DCHS1: variants seen among roughly 807,000 people sequenced by gnomAD.
The protein encoded by DCHS1 is protocadherin-16.
DCHS1 carries 78 observed loss-of-function variants against 213.9 expected under a neutral mutation model. The ratio of observed to expected loss-of-function variants is 0.36; its 90% CI spans 0.30 to 0.44. The LOEUF (loss-of-function observed/expected upper bound fraction) is 0.44. DCHS1 is among the 20% of genes least tolerant of loss of function. The probability of loss-of-function intolerance (pLI) is 1.00; values close to 1 mark genes in which losing one functional copy is unlikely to be tolerated. For synonymous variants in DCHS1, 1,828 were observed against 1,873.7 expected, an observed-to-expected ratio of 0.98 and a Z score of 0.63; for missense variants, 3,946 against 4,395.9, an observed-to-expected ratio of 0.90 and a Z score of 2.89.
In DCHS1 at chr11:6,632,147, G is replaced by A; in HGVS notation, c.3365C>T (p.Thr1122Ile). Residue 1122 changes from threonine (T) to isoleucine (I), a missense_variant, in exon 6 of 21, where the codon ACC (threonine) becomes ATC (isoleucine). By Grantham distance (89) the Thr-to-Ile change is moderately conservative. Transcript: ENST00000299441. The surrounding 1 kb of genome is among the most constrained non-coding windows in gnomAD (Gnocchi z 5.9). ...LAVAENQPPG[T>I]SVGRVFATDR... ...AGTGGCAAAGACTCGGCCCACGCTG[G>A]TCCCTGGGGGCTGGTTCTCAGCCAC... 1 of 1,589,870 alleles carries A rather than the reference G, an allele frequency of 6.3e-7. No homozygotes were observed. Among genetic ancestry groups the A allele is most frequent in the Non-Finnish European group, 8.6e-7 (1 of 1,164,624 alleles).
In DCHS1 at chr11:6,655,707, A is replaced by G; in HGVS notation, c.-265T>C. 1.0e-6 allele frequency: 1 copy of G among 977,284 alleles called. No homozygotes were observed. Among genetic ancestry groups the G allele is most frequent in the Non-Finnish European group, 1.2e-6 (1 of 827,352 alleles). 60.5% of individuals were successfully genotyped at this position (977,284 alleles called of 1,614,324 possible). ...CCGAGGCCCGCGATCCCCTCCGGGC[A>G]GCCGCCGTCGGTCCGCGCGCCCTTG... On this transcript the variant is annotated 5_prime_UTR_variant, in exon 1 of 21. Coordinates refer to ENST00000299441, the MANE Select transcript of DCHS1 (RefSeq NM_003737.4).
rs764403994 is a variant in DCHS1, at chr11:6,631,388, G to A, written c.3695C>T (p.Pro1232Leu). ...LPIQVPDRVP[P>L]GTLVTTLQAK... is the part of the protein sequence containing the mutation. Reference sequence around the variant, plus strand: ...CTGCAGAGTCGTCACCAGTGTTCCCGGAGGCACGCGGTCTGGTACCTGTGG... The same window carrying A: ...CTGCAGAGTCGTCACCAGTGTTCCCAGAGGCACGCGGTCTGGTACCTGTGG... The change falls in exon 8 of 21, where the codon CCG becomes CTG. Residue 1232 changes from proline (P) to leucine (L), a missense_variant. Physicochemically the swap from Pro to Leu is moderately conservative, Grantham distance 98. Transcript: ENST00000299441. 3.5e-5 allele frequency: 56 copies of A among 1,613,816 alleles called. No homozygotes were observed. In the East Asian group the frequency reaches 1.1e-3, roughly 31 times the overall value.
At chr11:6,635,904 C>T (rs1451031079) in intron 2 of DCHS1, among the ~76,000 whole-genome samples, 1 of 152,200 alleles carries the variant, frequency 6.6e-6, no homozygotes, top group African/African-American at 2.4e-5. Flanking sequence ...CCTGTACAAC[C>T]CCTGCTCAGA....
intron 1 of DCHS1, among the ~76,000 whole-genome samples, chr11:6,655,266 C>G (rs925222374): frequency 6.6e-6 from 1 of 152,128 alleles, no homozygotes; most frequent in Non-Finnish European, 1.5e-5. Context: ...CCCAGTGACA[C>G]GCACTGACAC....
At position 6,631,320 on chromosome 11, in the gene DCHS1, T is replaced by C; in HGVS notation, c.3763A>G (p.Thr1255Ala). The C allele has an allele frequency of 1.9e-6, 3 of 1,613,958 alleles. No individual in the cohort carries two copies. Among genetic ancestry groups the C allele is most frequent in the Non-Finnish European group, 2.5e-6 (3 of 1,179,866 alleles). The change falls in exon 8 of 21, where the codon ACG becomes GCG. Residue 1255 changes from threonine to alanine, a missense_variant. Coordinates refer to ENST00000299441, the MANE Select transcript of DCHS1 (RefSeq NM_003737.4). ...DEGENGTILY[T>A]LTGPGSELFS... is the part of the protein sequence containing the mutation. ...CTCTCCACTCCCATACCAGTTAGCG[T>C]GTACAAGATGGTCCCATTCTCCCCC...
chr11:6,630,876 G>A lies in DCHS1; in HGVS notation c.3931-13C>T, dbSNP rs1181233801. On this transcript the variant is annotated splice_polypyrimidine_tract_variant and intron_variant, in intron 9 of 20. Transcript: ENST00000299441. ...CTGAGGGAAGCACCTGTTGTGGACC[G>A]GGGAGGGAGAACAGAATTGTGAGGG... The A allele has an allele frequency of 2.0e-6, 3 of 1,508,206 alleles. No individual in the cohort carries two copies. The highest frequency in any genetic ancestry group is 2.7e-6 in the Non-Finnish European group (3 of 1,125,858). 93.4% of individuals were successfully genotyped at this position (1,508,206 alleles called of 1,614,324 possible). A position where few individuals can be genotyped will look rare whatever the true frequency, so the allele number is the denominator to read the frequency against.
intron 2 of DCHS1, among the ~76,000 whole-genome samples, chr11:6,639,105 G>A (rs1281632858): frequency 3.6e-5 from 4 of 112,598 alleles, no homozygotes; most frequent in Non-Finnish European, 8.2e-5. Context: ...GCGAGACTCC[G>A]CCTCAAAAAA....
chr11:6,623,413 G>T lies in DCHS1; in HGVS notation c.8263C>A (p.Arg2755Ser). The change falls in exon 21 of 21, where the codon CGT becomes AGT. Residue 2755 changes from arginine to serine, a missense_variant. Around this residue, in one of 3 missense-constraint regions of DCHS1, gnomAD observed 3,384 missense variants for 3,780.1 expected, o/e 0.90. Transcript: ENST00000299441. ...LLEAGPGPEG[R>S]EAFALNSSTG... ...GAGCTGTTCAGTGCAAATGCCTCAC[G>T]GCCCTCAGGTCCTGGCCCAGCCTCC... is the stretch of plus-strand genomic sequence containing the variant. 6.3e-7 allele frequency: 1 copy of T among 1,591,394 alleles called. No homozygotes were observed. The highest frequency in any genetic ancestry group is 2.3e-5 in the East Asian group (1 of 43,474).
intron 1 of DCHS1, among the ~76,000 whole-genome samples, chr11:6,642,552 G>C (rs1276296869): frequency 6.8e-6 from 1 of 146,756 alleles, no homozygotes; most frequent in Non-Finnish European, 1.5e-5. Flanking sequence ...AAGGAGAAAA[G>C]GACATTCTAG....
At chr11:6,645,742 A>G (rs1356718701) in intron 1 of DCHS1, among the ~76,000 whole-genome samples, 1 of 152,162 alleles carries the variant, frequency 6.6e-6, no homozygotes, top group African/African-American at 2.4e-5. Flanking sequence ...CTCTTGCAGA[A>G]CACTTTCACG....
In DCHS1 at chr11:6,630,663, GC is replaced by G; in HGVS notation, c.4130del (p.Gly1377AlafsTer192). Reference protein sequence around the residue: ...YTLVGGADPEGTFALDAASGR... With the variant: ...YTLVGGADPEXTFALDAASGR... ...CTGAGGCCGCATCCAGCGCGAAGGT[GC>G]CCTCGGGATCGGCACCGCCCACCAG... is the stretch of plus-strand genomic sequence containing the variant. On this transcript the variant is annotated frameshift_variant, in exon 10 of 21. Transcript: ENST00000299441. LOFTEE classifies it high-confidence loss of function. 1.3e-6 allele frequency: 2 copies of G among 1,534,606 alleles called. No homozygotes were observed.
In DCHS1 at chr11:6,640,888, G is replaced by A. The variant is rs199809561; in HGVS notation, c.726C>T (p.Asp242=). 18 of 1,614,066 alleles carry A rather than the reference G, an allele frequency of 1.1e-5. No homozygotes were observed. In the East Asian group the frequency reaches 2.7e-4, roughly 24 times the overall value. Residue 242 remains aspartate, a synonymous_variant, in exon 2 of 21, where the codon GAC becomes GAT. Coordinates refer to ENST00000299441, the MANE Select transcript of DCHS1 (RefSeq NM_003737.4). The surrounding 1 kb of genome is among the most constrained non-coding windows in gnomAD (Gnocchi z 6.5). ...SPPRRAQALL[D]VTLLDINDHA... ...GGTCATTGATGTCCAGCAGTGTCACGTCCAGCAGGGCCTGGGCCCTCCGGG... is the reference window on the plus strand; with the variant it reads ...GGTCATTGATGTCCAGCAGTGTCACATCCAGCAGGGCCTGGGCCCTCCGGG...
chr11:6,639,981 G>C lies in DCHS1; in HGVS notation c.1633C>G (p.Gln545Glu), dbSNP rs1221241771. The C allele has an allele frequency of 6.2e-7, 1 of 1,613,994 alleles. No individual in the cohort carries two copies. Among genetic ancestry groups the C allele is most frequent in the Non-Finnish European group, 8.5e-7 (1 of 1,179,872 alleles). The change falls in exon 2 of 21, where the codon CAG becomes GAG. Residue 545 changes from glutamine (Q) to glutamate (E), a missense_variant. Gln to Glu is a conservative substitution (Grantham distance 29). Around this residue, in one of 3 missense-constraint regions of DCHS1, gnomAD observed 3,384 missense variants for 3,780.1 expected, o/e 0.90. Coordinates refer to ENST00000299441, the MANE Select transcript of DCHS1 (RefSeq NM_003737.4). ...CCATCTGTGGCCACCACAATCAGCT[G>C]TGGCTGAGGTTCCAACTCATAGTCC... ...SLDYELEPQP[Q>E]LIVVATDGGL... is the part of the protein sequence containing the mutation.
chr11:6,635,571 C>A (rs1855974745), intron 2 of DCHS1, among the ~76,000 whole-genome samples: 1 of 152,172 alleles, frequency 6.6e-6, no homozygotes, highest in African/African-American at 2.4e-5. Flanking sequence ...AGACCCTTGA[C>A]AGAAATGATC....
intron 7 of DCHS1, 91 bp downstream of exon 7, chr11:6,631,523 AGG>A: frequency 1.3e-6 from 2 of 1,576,428 alleles, no homozygotes; most frequent in East Asian, 4.5e-5. Flanking sequence ...CACCCAATCC[AGG>A]AGGCAGTCTC....
In DCHS1 at chr11:6,641,195, G is replaced by T. The variant is rs778586117; in HGVS notation, c.419C>A (p.Ala140Asp). 1.2e-6 allele frequency: 2 copies of T among 1,613,562 alleles called. No homozygotes were observed. The highest frequency in any genetic ancestry group is 1.7e-6 in the Non-Finnish European group (2 of 1,179,890). ...TVRVADINDHAPAFPQARAAL... is the reference protein window; with the variant it reads ...TVRVADINDHDPAFPQARAAL... ...AGCCCGAGCCTGTGGGAAGGCTGGA[G>T]CATGGTCGTTGATGTCAGCCACTCG... The change falls in exon 2 of 21, where the codon GCT (alanine) becomes GAT (aspartate). Residue 140 changes from alanine to aspartate, a missense_variant. Coordinates refer to ENST00000299441, the MANE Select transcript of DCHS1 (RefSeq NM_003737.4). This position sits in a 1 kb window ranked among gnomAD's most constrained non-coding sequence, Gnocchi z 7.1.
At position 6,627,197 on chromosome 11, in the gene DCHS1, T is replaced by C. The variant is rs1244998197; in HGVS notation, c.5842A>G (p.Ile1948Val). The stretch of plus-strand genomic sequence containing the variant: ...TGGTCATTGACATCGCGCACCGTGA[T>C]GGTGACAGACACTGTGGTGCTTAGG... ...GPLSTTVSVT[I>V]TVRDVNDHAP... The change falls in exon 14 of 21, where the codon ATC (isoleucine) becomes GTC (valine). Residue 1948 changes from isoleucine to valine, a missense_variant. This residue lies in a region of DCHS1 where 3,384 missense variants were observed against 3,780.1 expected (regional missense o/e 0.90). Coordinates refer to ENST00000299441, the MANE Select transcript of DCHS1 (RefSeq NM_003737.4). The surrounding 1 kb of genome is among the most constrained non-coding windows in gnomAD (Gnocchi z 5.4). 1.2e-6 allele frequency: 2 copies of C among 1,613,060 alleles called. No individual in the cohort carries two copies. The highest frequency in any genetic ancestry group is 2.2e-5 in the East Asian group (1 of 44,860).
rs142818481 is a variant in DCHS1 at position 6,635,671 on chromosome 11, T to G, written c.1798-1365A>C. ...TTCTGCTCCAACTCTCTACTGTGGC[T>G]GTGGGCCCGGATATCCCAGGAGACA... On this transcript the variant is annotated intron_variant, in intron 2 of 20. Transcript: ENST00000299441. Among the ~76,000 whole-genome samples the G allele has an allele frequency of 3.6e-3, 542 of 152,316 alleles. 4 individuals carry two copies. Among genetic ancestry groups the G allele is most frequent in the African/African-American group, 0.012 (512 of 41,572 alleles).
At chr11:6,624,956 C>G (rs1483110881) in intron 19 of DCHS1, 88 bp from the exon 20 acceptor site, 2 of 1,560,808 alleles carry the variant, frequency 1.3e-6, no homozygotes, top group Admixed American at 1.8e-5. Context: ...TTCCTTGTGC[C>G]CTGCTTGGCG....
Sources: allele counts gnomAD v4.1 joint callset (sites outside exome capture counted in the v4.1 genomes callset), GRCh38; gene constraint gnomAD v4.1.1; regional missense constraint gnomAD v4.1.1; non-coding constraint Gnocchi (gnomAD v3.1); transcripts MANE v1.5; gene names NCBI Gene and HGNC (gene_info 2026-07-23, HGNC 2026-07-21).